PGBD2: variants seen among roughly 807,000 people sequenced by gnomAD.
The protein encoded by PGBD2 is piggyBac transposable element derived 2, also known as piggyBac transposable element-derived protein 2.
A neutral mutation model predicts 8.1 loss-of-function variants in PGBD2; 6 were observed. That is an observed-to-expected ratio of 0.74 (90% confidence interval 0.40 to 1.46). The LOEUF is 1.46. Among genes scored for constraint, PGBD2 ranks in the 40% most tolerant of loss-of-function variants. The probability of loss-of-function intolerance (pLI) is 0.02; values close to 1 mark genes in which losing one functional copy is unlikely to be tolerated. For synonymous variants in PGBD2, 318 were observed against 272.2 expected (o/e 1.17, Z -1.66); for missense variants, 802 against 739.0 (o/e 1.09, Z -0.99).
chr1:248,916,685 A>G lies in PGBD2; in HGVS notation c.101A>G (p.Glu34Gly), dbSNP rs1254650262. ...GTTCTGAATGCTATGGAGGAGGAAG[A>G]GTCCAACAACAACAGGGAAGAGATT... ...LEVLNAMEEE[E>G]SNNNREEIFI... Residue 34 changes from glutamate to glycine, a missense_variant, in exon 3 of 3, where the codon GAG becomes GGG. By Grantham distance (98) the Glu-to-Gly change is moderately conservative. Transcript: ENST00000329291. 1.9e-6 allele frequency: 3 copies of G among 1,614,096 alleles called. No individual in the cohort carries two copies. Among genetic ancestry groups the G allele is most frequent in the African/African-American group, 2.7e-5 (2 of 74,918 alleles).
At chr1:248,916,250 A>T (rs533621316) in intron 2 of PGBD2, among the ~76,000 whole-genome samples, 1 of 152,146 alleles carries the variant, frequency 6.6e-6, no homozygotes, top group South Asian at 2.1e-4. Flanking sequence ...CATCTCTACT[A>T]AAAATATAAA....
chr1:248,910,041 G>C (rs184460243), intron 1 of PGBD2, among the ~76,000 whole-genome samples: 1 of 152,352 alleles, frequency 6.6e-6, no homozygotes, highest in East Asian at 1.9e-4. Flanking sequence ...AGGCACAGTG[G>C]AGGAAAAGGT....
At chr1:248,924,613 G>T (rs1256345729), downstream of PGBD2, among the ~76,000 whole-genome samples, 1 of 152,226 alleles carries the variant, frequency 6.6e-6, no homozygotes, top group Non-Finnish European at 1.5e-5. Context: ...AATTTCCCAT[G>T]CATGTGTCCA....
At chr1:248,910,720 A>G (rs1661841158) in intron 1 of PGBD2, among the ~76,000 whole-genome samples, 1 of 152,184 alleles carries the variant, frequency 6.6e-6, no homozygotes. Flanking sequence ...CACAGACATC[A>G]CAATCACACA....
the PGBD2 span, among the ~76,000 whole-genome samples, chr1:248,886,955 T>C: frequency 6.6e-6 from 1 of 152,188 alleles, no homozygotes; most frequent in East Asian, 1.9e-4. Flanking sequence ...ATGCCAGTGG[T>C]TTGGCTGCCC....
the PGBD2 span, among the ~76,000 whole-genome samples, chr1:248,882,163 CA>C: frequency 1.3e-5 from 2 of 152,084 alleles, no homozygotes; most frequent in East Asian, 1.9e-4. Flanking sequence ...AAGCTGGGTC[CA>C]GGGGGGTCAC....
rs1288696103 is a variant in PGBD2, at chr1:248,918,606, T to G, written c.*243T>G. 2.4e-5 allele frequency: 5 copies of G among 207,506 alleles called. No individual in the cohort carries two copies. The highest frequency in any genetic ancestry group is 4.1e-5 in the Non-Finnish European group (4 of 96,610). 12.9% of individuals were successfully genotyped at this position (207,506 alleles called of 1,614,324 possible). A position where few individuals can be genotyped will look rare whatever the true frequency, so the allele number is the denominator to read the frequency against. Reference sequence around the variant, plus strand: ...TTTTGAACTTATTTATTTAAAGTTATGGATCACTTTTTATTCAAATAAAAG... The same window carrying G: ...TTTTGAACTTATTTATTTAAAGTTAGGGATCACTTTTTATTCAAATAAAAG... On this transcript the variant is annotated 3_prime_UTR_variant, in exon 3 of 3. Coordinates refer to ENST00000329291, the MANE Select transcript of PGBD2 (RefSeq NM_170725.3).
intron 2 of PGBD2, among the ~76,000 whole-genome samples, chr1:248,915,612 G>T (rs1434281431): frequency 5.3e-5 from 8 of 152,158 alleles, no homozygotes; most frequent in African/African-American, 1.9e-4. Context: ...TAACCTGATT[G>T]TAAGTCGAGG....
the PGBD2 span, among the ~76,000 whole-genome samples, chr1:248,879,917 C>CTGAG: frequency 6.6e-6 from 1 of 152,014 alleles, no homozygotes; most frequent in Non-Finnish European, 1.5e-5. Context: ...TTTTCTGATA[C>CTGAG]TGAGTGTCCA....
upstream of PGBD2, chr1:248,906,169 G>A (rs1174897661): frequency 6.6e-6 from 1 of 151,948 alleles, no homozygotes; most frequent in Non-Finnish European, 1.5e-5. Flanking sequence ...GCTCGGGCCG[G>A]GGCGTGGCCT....
upstream of PGBD2, among the ~76,000 whole-genome samples, chr1:248,905,239 A>T (rs1021081660): frequency 6.6e-6 from 1 of 152,214 alleles, no homozygotes; most frequent in Non-Finnish European, 1.5e-5. Context: ...TGACCAAAAA[A>T]CCTTTGTGAA....
At chr1:248,882,323 C>G in the PGBD2 span, among the ~76,000 whole-genome samples, 1 of 152,156 alleles carries the variant, frequency 6.6e-6, no homozygotes, top group African/African-American at 2.4e-5. Context: ...AATTCTTTAA[C>G]ATAACATCTG....
At chr1:248,889,486 A>G in the PGBD2 span, among the ~76,000 whole-genome samples, 1 of 152,214 alleles carries the variant, frequency 6.6e-6, no homozygotes, top group Non-Finnish European at 1.5e-5. Flanking sequence ...TCTTACGACA[A>G]ATTATGAGAT....
chr1:248,878,323 G>C, the PGBD2 span, among the ~76,000 whole-genome samples: 1 of 151,988 alleles, frequency 6.6e-6, no homozygotes, highest in Non-Finnish European at 1.5e-5. Context: ...GGGACTACGG[G>C]GCCCGCCACC....
the PGBD2 span, among the ~76,000 whole-genome samples, chr1:248,884,742 C>A: frequency 1.3e-5 from 2 of 152,130 alleles, no homozygotes; most frequent in South Asian, 2.1e-4. Flanking sequence ...TTCAGAGATT[C>A]TTTAATTTCA....
At chr1:248,908,544 T>C (rs1661743101) in intron 1 of PGBD2, among the ~76,000 whole-genome samples, 1 of 152,140 alleles carries the variant, frequency 6.6e-6, no homozygotes, top group Admixed American at 6.5e-5. Flanking sequence ...TCCATTTCTC[T>C]CCATAGGCCC....
the PGBD2 span, among the ~76,000 whole-genome samples, chr1:248,926,716 C>T: frequency 2.0e-5 from 3 of 152,180 alleles, no homozygotes; most frequent in Admixed American, 6.5e-5. Context: ...CGCACAGCTA[C>T]TAAGAGCAGA....
At chr1:248,920,516 A>T (rs555494362), downstream of PGBD2, among the ~76,000 whole-genome samples, 245 of 152,274 alleles carry the variant, frequency 1.6e-3, no homozygotes, top group Non-Finnish European at 2.8e-3. Flanking sequence ...CATGGTGTAT[A>T]TGTGCCACAT....
downstream of PGBD2, among the ~76,000 whole-genome samples, chr1:248,924,342 C>G (rs1662344686): frequency 6.6e-6 from 1 of 152,192 alleles, no homozygotes; most frequent in African/African-American, 2.4e-5. Flanking sequence ...CACTGTAGCC[C>G]TTGACAGAAT....
Sources: gnomAD v4.1 joint callset for allele counts (sites outside exome capture counted in the v4.1 genomes callset) on GRCh38, gnomAD v4.1.1 for gene constraint, MANE v1.5 for transcripts, NCBI Gene and HGNC (gene_info 2026-07-23, HGNC 2026-07-21) for gene names.